Variants in CEP83 observed in about 807,000 individuals in gnomAD.
CEP83 encodes the protein centrosomal protein 83, also known as centrosomal protein of 83 kDa.
In CEP83, 70 loss-of-function variants were observed where a neutral mutation model predicts 101.9. That is an observed-to-expected ratio of 0.69 (90% confidence interval 0.57 to 0.84). The LOEUF (loss-of-function observed/expected upper bound fraction) is 0.84. Among genes scored for constraint, CEP83 ranks in the 40% least tolerant of loss-of-function variants. CEP83 has a pLI of 0.00. For synonymous variants in CEP83, 264 were observed against 267.9 expected, an observed-to-expected ratio of 0.99 and a Z score of 0.14; for missense variants, 715 against 787.2, an observed-to-expected ratio of 0.91 and a Z score of 1.10.
chr12:94,295,517 C>T, the CEP83 span, among the ~76,000 whole-genome samples: 9 of 152,234 alleles, frequency 5.9e-5, no homozygotes, highest in Non-Finnish European at 1.0e-4. Flanking sequence ...TGGATCTCTT[C>T]GTGGGCCCTC....
At chr12:94,446,118 T>C (rs2066780460) in intron 1 of CEP83, among the ~76,000 whole-genome samples, 1 of 152,274 alleles carries the variant, frequency 6.6e-6, no homozygotes, top group African/African-American at 2.4e-5. Context: ...CAAACATTTA[T>C]TTCTTGGGTT....
chr12:94,441,642 G>A (rs1034773109), intron 1 of CEP83, among the ~76,000 whole-genome samples: 4 of 152,180 alleles, frequency 2.6e-5, no homozygotes, highest in African/African-American at 7.2e-5. Flanking sequence ...TAGGCTGGGC[G>A]TTGTGGCTCA....
At chr12:94,439,215 C>A (rs2066218096) in intron 1 of CEP83, among the ~76,000 whole-genome samples, 1 of 151,846 alleles carries the variant, frequency 6.6e-6, no homozygotes, top group Non-Finnish European at 1.5e-5. Context: ...AGAACAACAA[C>A]AAAATACAAA....
chr12:94,322,768 T>C (rs2136390520), intron 14 of CEP83, among the ~76,000 whole-genome samples: 1 of 152,244 alleles, frequency 6.6e-6, no homozygotes, highest in East Asian at 1.9e-4. Flanking sequence ...TCAGACTCCC[T>C]AGAGCCCAAA....
intron 1 of CEP83, among the ~76,000 whole-genome samples, chr12:94,439,876 G>C (rs1339311216): frequency 6.6e-6 from 1 of 152,106 alleles, no homozygotes; most frequent in Admixed American, 6.5e-5. Flanking sequence ...GGGATGCAGG[G>C]TTGGCTTAAC....
chr12:94,419,982 C>T (rs1382820297), intron 2 of CEP83, among the ~76,000 whole-genome samples: 5 of 152,066 alleles, frequency 3.3e-5, no homozygotes, highest in South Asian at 4.1e-4. Flanking sequence ...ATAATGAGAC[C>T]GAGCACCTTT....
intron 6 of CEP83, among the ~76,000 whole-genome samples, chr12:94,383,836 AT>A (rs1186929452): frequency 3.3e-5 from 5 of 151,960 alleles, no homozygotes; most frequent in African/African-American, 1.2e-4. Flanking sequence ...TACTGAATTC[AT>A]TTTGTCAGTT....
At chr12:94,393,964 G>A (rs1593673970) in intron 6 of CEP83, among the ~76,000 whole-genome samples, 2 of 152,262 alleles carry the variant, frequency 1.3e-5, no homozygotes, top group East Asian at 1.9e-4. Flanking sequence ...ACTGCTCAAC[G>A]AAATAAAAGA....
chr12:94,413,303 T>C (rs919894944), intron 2 of CEP83, among the ~76,000 whole-genome samples: 2 of 152,212 alleles, frequency 1.3e-5, no homozygotes, highest in Non-Finnish European at 2.9e-5. Flanking sequence ...AATCACATCT[T>C]CAAGTATTAA....
intron 6 of CEP83, among the ~76,000 whole-genome samples, chr12:94,399,979 C>T (rs529392443): frequency 1.2e-3 from 177 of 152,068 alleles, no homozygotes; most frequent in Non-Finnish European, 2.2e-3. Flanking sequence ...TAAATCAGTC[C>T]GATCCAAATA....
intron 2 of CEP83, chr12:94,434,115 C>A (rs1046673711): frequency 2.6e-5 from 4 of 152,200 alleles, no homozygotes; most frequent in Non-Finnish European, 4.4e-5. Context: ...TGCTGCTACT[C>A]CTCCTCATTC....
chr12:94,283,467 C>G, the CEP83 span, among the ~76,000 whole-genome samples: 5 of 152,198 alleles, frequency 3.3e-5, no homozygotes, highest in African/African-American at 1.2e-4. Context: ...AATGTAACTG[C>G]CCAACAGGTT....
the CEP83 span, among the ~76,000 whole-genome samples, chr12:94,292,671 T>G: frequency 6.6e-6 from 1 of 152,184 alleles, no homozygotes; most frequent in Non-Finnish European, 1.5e-5. Context: ...TTATTTATGT[T>G]TCATATACAC....
the CEP83 span, among the ~76,000 whole-genome samples, chr12:94,286,547 A>G: frequency 6.6e-6 from 1 of 151,390 alleles, no homozygotes; most frequent in Non-Finnish European, 1.5e-5. Context: ...CAAAGAGACA[A>G]GATGCTAATT....
intron 11 of CEP83, among the ~76,000 whole-genome samples, chr12:94,359,508 GACA>G (rs770961444): frequency 1.8e-4 from 27 of 152,150 alleles, no homozygotes; most frequent in Non-Finnish European, 3.4e-4. Flanking sequence ...GCAACTGTAG[GACA>G]ACAAATAGGA....
chr12:94,458,089 C>T (rs544999029), intron 1 of CEP83, among the ~76,000 whole-genome samples: 11 of 151,378 alleles, frequency 7.3e-5, no homozygotes, highest in Non-Finnish European at 1.6e-4. Flanking sequence ...CCCAGCTACT[C>T]GGGAGGCTGA....
At chr12:94,450,305 G>A (rs1032687256) in intron 1 of CEP83, among the ~76,000 whole-genome samples, 1 of 152,146 alleles carries the variant, frequency 6.6e-6, no homozygotes, top group Admixed American at 6.5e-5. Flanking sequence ...AGGCTGGAGT[G>A]CAGTGGCACA....
intron 8 of CEP83, among the ~76,000 whole-genome samples, chr12:94,371,918 A>G (rs1374717029): frequency 2.0e-5 from 3 of 152,210 alleles, no homozygotes; most frequent in Non-Finnish European, 4.4e-5. Context: ...TAACTCGTAG[A>G]TTTTTAAATG....
At chr12:94,424,121 A>G (rs2065000014) in intron 2 of CEP83, 5 of 1,605,010 alleles carry the variant, frequency 3.1e-6, no homozygotes, top group Non-Finnish European at 4.3e-6. Context: ...AGGAGAGGAA[A>G]GGTATGGGGA....
Sources: allele counts gnomAD v4.1 joint callset (sites outside exome capture counted in the v4.1 genomes callset), GRCh38; gene constraint gnomAD v4.1.1; transcripts MANE v1.5; gene names NCBI Gene and HGNC (gene_info 2026-07-23, HGNC 2026-07-21).